Variants in CCDC180 observed in about 807,000 individuals in gnomAD.
CCDC180 encodes coiled-coil domain containing 180, also known as coiled-coil domain-containing protein 180.
CCDC180 carries 154 observed loss-of-function variants against 209.2 expected under a neutral mutation model. The ratio of observed to expected loss-of-function variants is 0.74; its 90% confidence interval spans 0.65 to 0.84. The LOEUF (loss-of-function observed/expected upper bound fraction) is 0.84, where lower values mean the gene tolerates loss of function less well. Among genes scored for constraint, CCDC180 ranks in the 40% least tolerant of loss-of-function variants. CCDC180 has a pLI of 0.00. For synonymous variants in CCDC180, 778 were observed against 749.1 expected (o/e 1.04, Z -0.63); for missense variants, 1,874 against 1,997.3 (o/e 0.94, Z 1.18).
Position 97,354,716 on chromosome 9 carries a change from A to T in CCDC180, c.3147+3A>T. On this transcript the variant is annotated splice_donor_region_variant and intron_variant, in intron 23 of 36. Coordinates refer to ENST00000529487, the MANE Select transcript of CCDC180 (RefSeq NM_020893.6). Reference sequence around the variant, plus strand: ...TGGAGAATGAGTACCTGGACCAGGTAGGGCCCCCAGCCAGGCCCCAGGCCA... The same window carrying T: ...TGGAGAATGAGTACCTGGACCAGGTTGGGCCCCCAGCCAGGCCCCAGGCCA... 6.2e-7 allele frequency: 1 copy of T among 1,614,194 alleles called. No homozygotes were observed.
intron 5 of CCDC180, 68 bp downstream of exon 5, chr9:97,313,413 C>T: frequency 8.8e-7 from 1 of 1,141,434 alleles, no homozygotes; most frequent in Non-Finnish European, 1.3e-6. Flanking sequence ...GTCATGGCTC[C>T]CAGCCTTCCT....
At chr9:97,309,709 T>C in intron 3 of CCDC180, 105 bp downstream of exon 3, 2 of 909,182 alleles carry the variant, frequency 2.2e-6, no homozygotes, top group Non-Finnish European at 3.2e-6. Context: ...GAATGAAGTC[T>C]CAAGTACCAC....
chr9:97,374,271 GCAA>G, intron 34 of CCDC180: 1 of 421,556 alleles, frequency 2.4e-6, no homozygotes, highest in East Asian at 4.2e-5. Context: ...GGAAACTGCA[GCAA>G]CGTCAGAGCA....
At chr9:97,308,544 A>G (rs1347386759) in intron 2 of CCDC180, among the ~76,000 whole-genome samples, 1 of 152,198 alleles carries the variant, frequency 6.6e-6, no homozygotes, top group African/African-American at 2.4e-5. Flanking sequence ...GTATTTCACC[A>G]TACTGAGCAG....
Position 97,312,123 on chromosome 9 carries a change from A to G in CCDC180, c.271A>G (p.Arg91Gly), listed in dbSNP as rs1373782071. 5.6e-6 allele frequency: 9 copies of G among 1,614,044 alleles called. No homozygotes were observed. The South Asian group carries it at 9.9e-5, about 18-fold the overall frequency. Reference sequence around the variant, plus strand: ...CTGCTTGTGTCTCAGGGAAAAGGAAAGAGCCAAGAGGGAAAAAGCCCGAGA... The same window carrying G: ...CTGCTTGTGTCTCAGGGAAAAGGAAGGAGCCAAGAGGGAAAAAGCCCGAGA... ...ENPVLHREKE[R>G]AKREKARESE... The change falls in exon 4 of 37, where the codon AGA (arginine) becomes GGA (glycine). Residue 91 changes from arginine to glycine, a missense_variant. Arg to Gly is a moderately radical substitution (Grantham distance 125). Coordinates refer to ENST00000529487, the MANE Select transcript of CCDC180 (RefSeq NM_020893.6).
rs996879009 is a variant in CCDC180, at chr9:97,322,058, A to C, written c.1160-775A>C. Among the ~76,000 whole-genome samples the C allele has an allele frequency of 3.9e-5, 6 of 152,134 alleles. No homozygotes were observed. The East Asian group carries it at 9.6e-4, about 24-fold the overall frequency. ...GGGGGTGATGATGTCAGGGGGCGCA[A>C]ATGGCCCAGAGGGATGCAGTAGTGG... On this transcript the variant is annotated intron_variant, in intron 11 of 36. Transcript: ENST00000529487.
rs1463897332 is a variant in CCDC180, at chr9:97,377,850, T to C, written c.*956T>C. On this transcript the variant is annotated 3_prime_UTR_variant, in exon 37 of 37. Transcript: ENST00000529487. ...ATTGCTTATTATTCCGAAAGGAATA[T>C]ATGCGCATTGTAGAAAAAAGAATTT... 7.3e-6 allele frequency: 1 copy of C among 137,122 alleles called. No individual in the cohort carries two copies. Among genetic ancestry groups the C allele is most frequent in the East Asian group, 2.2e-4 (1 of 4,546 alleles). 8.5% of individuals were successfully genotyped at this position (137,122 alleles called of 1,614,324 possible).
At position 97,343,536 on chromosome 9, in the gene CCDC180, C is replaced by T. The variant is rs142232886; in HGVS notation, c.2471C>T (p.Ser824Leu). 4.7e-5 allele frequency: 76 copies of T among 1,612,476 alleles called. No individual in the cohort carries two copies. The highest frequency in any genetic ancestry group is 2.3e-4 in the Admixed American group (14 of 59,932). ...AKFIEQVTIP[S>L]RLILEIKKQL... ...TTCATAGAACAAGTGACAATTCCAT[C>T]GAGACTAATTTTAGAAATTAAGAAA... The change falls in exon 19 of 37, where the codon TCG becomes TTG. Residue 824 changes from serine (S) to leucine (L), a missense_variant. Coordinates refer to ENST00000529487, the MANE Select transcript of CCDC180 (RefSeq NM_020893.6).
At chr9:97,364,637 C>T (rs1826868208) in intron 29 of CCDC180, 1 of 159,802 alleles carries the variant, frequency 6.3e-6, no homozygotes, top group South Asian at 1.8e-4. Context: ...CCCTCTCACC[C>T]TGGAGACCTC....
intron 25 of CCDC180, 109 bp from the exon 26 acceptor site, chr9:97,359,873 C>A: frequency 7.0e-7 from 1 of 1,421,246 alleles, no homozygotes; most frequent in Non-Finnish European, 9.7e-7. Context: ...TCCATTAAGC[C>A]AAGAGGTATC....
chr9:97,308,200 C>T, intron 2 of CCDC180, 68 bp downstream of exon 2: 1 of 1,399,722 alleles, frequency 7.1e-7, no homozygotes, highest in African/African-American at 1.4e-5. Flanking sequence ...ACTTCCCTCC[C>T]TCCCAGGGCT....
intron 18 of CCDC180, among the ~76,000 whole-genome samples, chr9:97,332,627 T>C (rs761955263): frequency 2.6e-5 from 4 of 152,172 alleles, no homozygotes; most frequent in Non-Finnish European, 4.4e-5. Flanking sequence ...TTTATTCTTT[T>C]TGTGGTGATT....
chr9:97,330,093 G>A (rs118069348), intron 16 of CCDC180, 61 bp from the exon 17 acceptor site: 55 of 1,301,918 alleles, frequency 4.2e-5, no homozygotes, highest in South Asian at 3.9e-4. Flanking sequence ...AAAAAAAGGT[G>A]GGGGGCACTC....
chr9:97,354,508 G>A (rs1826512294), intron 22 of CCDC180, 61 bp from the exon 23 acceptor site: 1 of 1,546,572 alleles, frequency 6.5e-7, no homozygotes, highest in East Asian at 2.2e-5. Context: ...CACAGTATTT[G>A]GGATAGATGA....
chr9:97,351,012 T>A (rs1287455117), intron 22 of CCDC180, among the ~76,000 whole-genome samples: 1 of 152,270 alleles, frequency 6.6e-6, no homozygotes, highest in Admixed American at 6.5e-5. Context: ...GGCTGAATAA[T>A]GTTCCATTGT....
intron 18 of CCDC180, 37 bp from the exon 19 acceptor site, chr9:97,343,303 T>C (rs2118777538): frequency 7.3e-7 from 1 of 1,369,284 alleles, no homozygotes; most frequent in Non-Finnish European, 1.0e-6. Flanking sequence ...GTCCATTTGA[T>C]GATATCAAGT....
intron 18 of CCDC180, among the ~76,000 whole-genome samples, chr9:97,331,422 C>A (rs10733603): frequency 1.3e-5 from 2 of 151,954 alleles, no homozygotes; most frequent in Non-Finnish European, 1.5e-5. Context: ...ATTTACATTC[C>A]TTTGGGTATA....
rs756578625 is a variant in CCDC180, at chr9:97,375,492, A to G, written c.4745A>G (p.Gln1582Arg). ...ATCAAACCCACCGAAGTCACCATCC[A>G]AAACAAGATTCTTCTCCAGCCAACA... ...PGIKPTEVTIQNKILLQPTSS... is the reference protein window; with the variant it reads ...PGIKPTEVTIRNKILLQPTSS... Residue 1582 changes from glutamine to arginine, a missense_variant, in exon 36 of 37, where the codon CAA (glutamine) becomes CGA (arginine). Transcript: ENST00000529487. 5.0e-6 allele frequency: 8 copies of G among 1,614,216 alleles called. No homozygotes were observed. The highest frequency in any genetic ancestry group is 2.2e-5 in the South Asian group (2 of 91,084).
At chr9:97,353,852 G>A (rs1253684497) in intron 22 of CCDC180, among the ~76,000 whole-genome samples, 8 of 152,146 alleles carry the variant, frequency 5.3e-5, no homozygotes. Flanking sequence ...CAATGCAAAT[G>A]TTGTCCTCTG....
Sources: gnomAD v4.1 joint callset for allele counts (sites outside exome capture counted in the v4.1 genomes callset) on GRCh38, gnomAD v4.1.1 for gene constraint, MANE v1.5 for transcripts, NCBI Gene and HGNC (gene_info 2026-07-23, HGNC 2026-07-21) for gene names.